CEP192: variants seen among roughly 807,000 people sequenced by gnomAD.
CEP192 encodes the protein centrosomal protein of 192 kDa.
A neutral mutation model predicts 271.8 loss-of-function variants in CEP192; 151 were observed. The observed-to-expected ratio is 0.56, with a 90% confidence interval of 0.49 to 0.64. CEP192 has a LOEUF of 0.64. Ranked by LOEUF, CEP192 falls within the 30% of genes least tolerant of loss-of-function variation. CEP192 has a pLI of 0.00. For missense variants in CEP192, 2,910 were observed against 3,020.5 expected (o/e 0.96, Z 0.86); for synonymous variants, 995 against 1,076.5 (o/e 0.92, Z 1.48).
At chr18:13,013,073 G>T in intron 5 of CEP192, 48 bp downstream of exon 5, 1 of 922,090 alleles carries the variant, frequency 1.1e-6, no homozygotes, top group African/African-American at 1.7e-5. Flanking sequence ...CTATAGGGCA[G>T]TAAAATTTCA....
intron 3 of CEP192, 105 bp downstream of exon 3, chr18:13,001,687 C>G (rs1406364689): frequency 1.8e-6 from 2 of 1,141,790 alleles, no homozygotes; most frequent in Non-Finnish European, 2.4e-6. Flanking sequence ...CTGATTAATT[C>G]TAAGAATCTT....
chr18:12,993,887 T>G (rs1395185148), intron 1 of CEP192, among the ~76,000 whole-genome samples: 1 of 152,228 alleles, frequency 6.6e-6, no homozygotes, highest in Non-Finnish European at 1.5e-5. Context: ...GGGTTATAGA[T>G]TCTTTCTTAA....
chr18:13,024,637 A>G (rs2035188109), intron 9 of CEP192, among the ~76,000 whole-genome samples: 1 of 150,852 alleles, frequency 6.6e-6, no homozygotes, highest in South Asian at 2.1e-4. Flanking sequence ...TAATTTTTGT[A>G]TTTTTAGTGG....
At chr18:13,108,944 A>T (rs903619540) in intron 40 of CEP192, among the ~76,000 whole-genome samples, 1 of 152,186 alleles carries the variant, frequency 6.6e-6, no homozygotes, top group Non-Finnish European at 1.5e-5. Context: ...ATGCTTATAC[A>T]CTTAGTGTGA....
chr18:13,116,328 G>A (rs754684837), intron 42 of CEP192, 49 bp from the exon 43 acceptor site: 5 of 1,575,780 alleles, frequency 3.2e-6, no homozygotes, highest in Non-Finnish European at 4.3e-6. Flanking sequence ...AACAGTTTAA[G>A]TTACTGTGGA....
rs577187935 is a variant in CEP192, at chr18:13,092,274, A to G, written c.6104-103A>G. ...ATCCAAATGTCACCTCCCCCAACCC[A>G]GGAAACTAATATTCTATAGCTATAA... On this transcript the variant is annotated intron_variant, in intron 33 of 44. Transcript: ENST00000506447. 2.9e-5 allele frequency: 23 copies of G among 794,926 alleles called. No homozygotes were observed. The East Asian group carries it at 6.8e-4, about 23-fold the overall frequency. 49.2% of individuals were successfully genotyped at this position (794,926 alleles called of 1,614,324 possible). A position where few individuals can be genotyped will look rare whatever the true frequency, so the allele number is the denominator to read the frequency against.
intron 38 of CEP192, among the ~76,000 whole-genome samples, chr18:13,102,698 TCA>T (rs1322470709): frequency 6.6e-6 from 1 of 152,188 alleles, no homozygotes; most frequent in East Asian, 1.9e-4. Context: ...TTTTCCTGCC[TCA>T]CCTGCTCCTG....
At chr18:13,105,199 A>G (rs2039893760) in intron 40 of CEP192, 120 bp downstream of exon 40, 1 of 725,568 alleles carries the variant, frequency 1.4e-6, no homozygotes, top group African/African-American at 1.8e-5. Flanking sequence ...GCCAGTCTGC[A>G]CACGAGAGAA....
chr18:13,086,394 T>G (rs2144684179), intron 30 of CEP192, among the ~76,000 whole-genome samples: 1 of 152,334 alleles, frequency 6.6e-6, no homozygotes, highest in Admixed American at 6.5e-5. Flanking sequence ...CCTGATTGCC[T>G]TGGCCAAAAC....
chr18:13,004,644 TTGG>T (rs544285635), intron 3 of CEP192, among the ~76,000 whole-genome samples: 148 of 150,824 alleles, frequency 9.8e-4, no homozygotes, highest in African/African-American at 3.4e-3. Context: ...GGAGGAGGAG[TTGG>T]TGGTTTAAAA....
At chr18:13,053,440 C>T (rs1302557530) in intron 18 of CEP192, among the ~76,000 whole-genome samples, 1 of 152,174 alleles carries the variant, frequency 6.6e-6, no homozygotes, top group Non-Finnish European at 1.5e-5. Flanking sequence ...ACTGAAGCCA[C>T]ACCGTGCAGG....
rs376633367 is a variant in CEP192, at chr18:13,055,400, G to A, written c.3190-380G>A. Among the ~76,000 whole-genome samples the A allele has an allele frequency of 4.6e-4, 70 of 152,166 alleles. No homozygotes were observed. The South Asian group carries it at 0.014, about 30-fold the overall frequency. On this transcript the variant is annotated intron_variant, in intron 18 of 44. Transcript: ENST00000506447. Reference sequence around the variant, plus strand: ...GCCGCCTGACCTCAAAGTTGTTACCGTTTCAAGCTTGCTCAGCCCCCACTC... The same window carrying A: ...GCCGCCTGACCTCAAAGTTGTTACCATTTCAAGCTTGCTCAGCCCCCACTC...
chr18:13,107,010 G>A (rs891778399), intron 40 of CEP192, among the ~76,000 whole-genome samples: 1 of 152,122 alleles, frequency 6.6e-6, no homozygotes, highest in African/African-American at 2.4e-5. Context: ...ATACTACTCC[G>A]ATTAACAGTA....
intron 3 of CEP192, among the ~76,000 whole-genome samples, chr18:13,001,829 G>A (rs1158565187): frequency 3.3e-5 from 5 of 152,116 alleles, no homozygotes; most frequent in Admixed American, 2.0e-4. Flanking sequence ...TCAGCCTCCT[G>A]AGTAGCTGGG....
At position 13,114,135 on chromosome 18, in the gene CEP192, C is replaced by T. The variant is rs151127945; in HGVS notation, c.7173C>T (p.Ile2391=). ...CCTGTGATTTTTCTGTATAGAGCAT[C>T]GAAGCAGAAAATGAGCCTGAAAACG... The part of the protein sequence containing the change: ...TLRFQLSGQS[I]EAENEPENAC... The change falls in exon 42 of 45, where the codon ATC becomes ATT. Residue 2391 remains isoleucine (I), a synonymous_variant. Transcript: ENST00000506447. 308 of 1,613,070 alleles carry T rather than the reference C, an allele frequency of 1.9e-4. No homozygotes were observed. The African/African-American group carries it at 3.6e-3, about 19-fold the overall frequency.
chr18:13,116,309 A>G (rs2040423799), intron 42 of CEP192, 68 bp from the exon 43 acceptor site: 2 of 1,425,612 alleles, frequency 1.4e-6, no homozygotes, highest in South Asian at 2.5e-5. Flanking sequence ...CATAATTTTA[A>G]TATATAAAAA....
chr18:13,097,802 T>C (rs1454496477), intron 36 of CEP192, among the ~76,000 whole-genome samples: 1 of 151,708 alleles, frequency 6.6e-6, no homozygotes, highest in African/African-American at 2.4e-5. Flanking sequence ...CCTTCCGCAG[T>C]GTTTGTGTCC....
Position 13,113,478 on chromosome 18 carries a change from G to A in CEP192, c.7048-108G>A, listed in dbSNP as rs548383831. The A allele has an allele frequency of 7.6e-5, 83 of 1,094,640 alleles. No individual in the cohort carries two copies. In the South Asian group the frequency reaches 1.0e-3, roughly 13 times the overall value. The allele number at this position is 1,094,640 out of a possible 1,614,324, so 67.8% of individuals were successfully genotyped here. On this transcript the variant is annotated intron_variant, in intron 40 of 44. Coordinates refer to ENST00000506447, the MANE Select transcript of CEP192 (RefSeq NM_032142.4). ...AATGGCAAAACTAGCCAGTGCAAAAGCATTTGTTCCTTTAATTTTTTTCAT... is the reference window on the plus strand; with the variant it reads ...AATGGCAAAACTAGCCAGTGCAAAAACATTTGTTCCTTTAATTTTTTTCAT...
intron 2 of CEP192, 70 bp from the exon 3 acceptor site, chr18:13,001,387 C>G: frequency 1.8e-6 from 2 of 1,116,854 alleles, no homozygotes; most frequent in East Asian, 2.6e-5. Flanking sequence ...TCACGCAGCC[C>G]TATGTCATGA....
Sources: allele counts gnomAD v4.1 joint callset (sites outside exome capture counted in the v4.1 genomes callset), GRCh38; gene constraint gnomAD v4.1.1; transcripts MANE v1.5; gene names NCBI Gene and HGNC (gene_info 2026-07-23, HGNC 2026-07-21).